Variants in NPR3 observed in about 807,000 individuals in gnomAD.
The protein encoded by NPR3 is atrial natriuretic peptide receptor 3.
In NPR3, 34 loss-of-function variants were observed where a neutral mutation model predicts 54.5. The ratio of observed to expected loss-of-function variants is 0.62; its 90% CI spans 0.47 to 0.83. NPR3 has a LOEUF of 0.83. Among genes scored for constraint, NPR3 ranks in the 40% least tolerant of loss-of-function variants. The probability of loss-of-function intolerance (pLI) is 0.00; values close to 1 mark genes in which losing one functional copy is unlikely to be tolerated. For synonymous variants in NPR3, 289 were observed against 297.1 expected, an observed-to-expected ratio of 0.97 and a Z score of 0.28; for missense variants, 674 against 720.8, an observed-to-expected ratio of 0.94 and a Z score of 0.74.
chr5:32,727,911 T>G (rs1739220074), intron 2 of NPR3, among the ~76,000 whole-genome samples: 2 of 152,250 alleles, frequency 1.3e-5, no homozygotes, highest in African/African-American at 2.4e-5. Flanking sequence ...AATTTTGACT[T>G]CTGTCATGAA....
chr5:32,774,669 T>G, intron 3 of NPR3, 39 bp from the exon 4 acceptor site: 2 of 1,550,386 alleles, frequency 1.3e-6, no homozygotes, highest in Non-Finnish European at 1.8e-6. Context: ...CATGAGTCAC[T>G]TGGTGTTTTG....
upstream of NPR3, chr5:32,710,442 A>T (rs911807253): frequency 1.9e-5 from 7 of 374,382 alleles, no homozygotes; most frequent in African/African-American, 1.5e-4. Flanking sequence ...GCTTTGTGAC[A>T]CCTCCAGAAG....
intron 2 of NPR3, 91 bp from the exon 3 acceptor site, chr5:32,738,773 A>G (rs1739883983): frequency 8.7e-7 from 1 of 1,146,850 alleles, no homozygotes; most frequent in Non-Finnish European, 1.2e-6. Flanking sequence ...TGCCAAAAGT[A>G]ACATGCGGGG....
At chr5:32,738,447 A>G (rs1472849365) in intron 2 of NPR3, among the ~76,000 whole-genome samples, 2 of 152,210 alleles carry the variant, frequency 1.3e-5, no homozygotes, top group African/African-American at 4.8e-5. Flanking sequence ...CCACACACAC[A>G]TAACATCAGG....
chr5:32,709,133 C>G (rs1738084093), upstream of NPR3, among the ~76,000 whole-genome samples: 1 of 152,098 alleles, frequency 6.6e-6, no homozygotes, highest in African/African-American at 2.4e-5. Context: ...GGCGTTCACA[C>G]CGGTGCCACT....
At chr5:32,769,925 C>T (rs1235010597) in intron 3 of NPR3, among the ~76,000 whole-genome samples, 4 of 152,184 alleles carry the variant, frequency 2.6e-5, no homozygotes, top group Non-Finnish European at 5.9e-5. Context: ...CTCGCTGCCA[C>T]GGTTGGGAGC....
At chr5:32,709,602 G>A (rs945688815), upstream of NPR3, 1 of 151,934 alleles carries the variant, frequency 6.6e-6, no homozygotes, top group Admixed American at 6.6e-5. Flanking sequence ...GGAAATTCTC[G>A]CAGGAATTAG....
chr5:32,776,353 G>C (rs1243797117), intron 4 of NPR3, among the ~76,000 whole-genome samples: 3 of 151,964 alleles, frequency 2.0e-5, no homozygotes, highest in African/African-American at 7.2e-5. Context: ...TGCAATTTTT[G>C]CTATTATGCA....
upstream of NPR3, chr5:32,710,914 GTGTA>G: frequency 2.3e-6 from 2 of 864,890 alleles, no homozygotes; most frequent in South Asian, 2.9e-5. Context: ...GTGTGTGTGT[GTGTA>G]TGTGTGCGTG....
intron 1 of NPR3, among the ~76,000 whole-genome samples, chr5:32,718,814 T>G (rs1218541251): frequency 2.6e-5 from 4 of 152,218 alleles, no homozygotes; most frequent in African/African-American, 4.8e-5. Context: ...TTTGATTTCC[T>G]CATTTCCTAA....
At chr5:32,751,921 G>A (rs56319319) in intron 3 of NPR3, among the ~76,000 whole-genome samples, 18,831 of 152,186 alleles carry the variant, frequency 0.12, 1,424 homozygotes, top group African/African-American at 0.2. Flanking sequence ...CCAACTTGGG[G>A]CTGGGTGTGG....
At chr5:32,713,184 C>A in intron 1 of NPR3, 1 of 985,344 alleles carries the variant, frequency 1.0e-6, no homozygotes, top group Non-Finnish European at 1.2e-6. Context: ...TGAATTCTGG[C>A]GACACTCACT....
At chr5:32,700,030 G>A (rs1435727684) in intron 1 of NPR3, among the ~76,000 whole-genome samples, 1 of 152,128 alleles carries the variant, frequency 6.6e-6, no homozygotes, top group Non-Finnish European at 1.5e-5. Context: ...CTCTCTCCTG[G>A]CCTGTAAGGT....
chr5:32,774,651 A>AT (rs1741946821), intron 3 of NPR3, 57 bp from the exon 4 acceptor site: 1 of 1,405,712 alleles, frequency 7.1e-7, no homozygotes, highest in South Asian at 1.2e-5. Context: ...TGCTCATCTT[A>AT]TTCCTGGCAT....
At position 32,759,070 on chromosome 5, in the gene NPR3, T is replaced by A. The variant is rs897707876; in HGVS notation, c.1060-15638T>A. ...AGGTGTGGTGTGGTGCTGAGAAGAA[T>A]GCATATTCTGTTGATTTGGGGTGGA... On this transcript the variant is annotated intron_variant, in intron 3 of 7. Transcript: ENST00000265074. Among the ~76,000 whole-genome samples, 8 of 152,360 alleles carry A rather than the reference T, an allele frequency of 5.3e-5. No individual in the cohort carries two copies. The South Asian group carries it at 1.7e-3, about 32-fold the overall frequency.
chr5:32,766,378 A>G (rs1458107441), intron 3 of NPR3, among the ~76,000 whole-genome samples: 1 of 152,118 alleles, frequency 6.6e-6, no homozygotes, highest in Non-Finnish European at 1.5e-5. Flanking sequence ...CAGAATCCCA[A>G]CCTCAATAGT....
At chr5:32,729,295 C>G (rs1357538170) in intron 2 of NPR3, among the ~76,000 whole-genome samples, 1 of 152,012 alleles carries the variant, frequency 6.6e-6, no homozygotes, top group Non-Finnish European at 1.5e-5. Flanking sequence ...TCCCAAAGTG[C>G]TGGGATTACA....
chr5:32,709,680 C>A (rs1165414073), upstream of NPR3: 1 of 152,150 alleles, frequency 6.6e-6, no homozygotes, highest in Non-Finnish European at 1.5e-5. Flanking sequence ...GACCCAGAAG[C>A]TGAAACATTA....
chr5:32,700,911 C>A (rs1333688558), intron 1 of NPR3, among the ~76,000 whole-genome samples: 1 of 152,146 alleles, frequency 6.6e-6, no homozygotes, highest in Non-Finnish European at 1.5e-5. Context: ...GGTATATACC[C>A]AGTAATGGGA....
Sources: gnomAD v4.1 joint callset for allele counts (sites outside exome capture counted in the v4.1 genomes callset) on GRCh38, gnomAD v4.1.1 for gene constraint, MANE v1.5 for transcripts, NCBI Gene and HGNC (gene_info 2026-07-23, HGNC 2026-07-21) for gene names.